The following GGA3 variants were observed in gnomAD, a reference collection of about 807,000 sequenced individuals.
GGA3 encodes the protein golgi associated, gamma adaptin ear containing, ARF binding protein 3.
Under a neutral mutation model 77.5 loss-of-function variants are expected in GGA3, and 57 were observed. The observed-to-expected ratio is 0.74, with a 90% CI of 0.59 to 0.92. The LOEUF is 0.92. Among genes scored for constraint, GGA3 ranks in the 40% least tolerant of loss-of-function variants. The pLI, the probability that GGA3 is intolerant of heterozygous loss-of-function variation, is 0.00. For missense variants in GGA3, 970 were observed against 914.9 expected, an observed-to-expected ratio of 1.06 and a Z score of -0.78; for synonymous variants, 416 against 383.7, an observed-to-expected ratio of 1.08 and a Z score of -0.98.
intron 1 of GGA3, among the ~76,000 whole-genome samples, chr17:75,249,985 A>G (rs1567797443): frequency 6.6e-6 from 1 of 152,038 alleles, no homozygotes; most frequent in Non-Finnish European, 1.5e-5. Flanking sequence ...CTCTTTGCCT[A>G]CTCACGGGCA....
intron 1 of GGA3, among the ~76,000 whole-genome samples, chr17:75,250,628 T>C (rs141588254): frequency 1.3e-5 from 2 of 151,918 alleles, no homozygotes; most frequent in Non-Finnish European, 2.9e-5. Context: ...CTAGGCACGG[T>C]AGCACACACC....
rs1363671930 is a variant in GGA3, at chr17:75,248,777, CTCTG to C, written c.41-1985_41-1982del. Reference sequence around the variant, plus strand: ...CTCCAGCCTGGGCAACAAGTGAAAACTCTGTCTAAAAAAAAAACAAAAACAAAAA... The same window carrying C: ...CTCCAGCCTGGGCAACAAGTGAAAACTCTAAAAAAAAAACAAAAACAAAAA... On this transcript the variant is annotated intron_variant, in intron 1 of 16. Coordinates refer to ENST00000537686, the MANE Select transcript of GGA3 (RefSeq NM_138619.4). 1.8e-4 allele frequency: 157 copies of C among 869,384 alleles called. 2 individuals carry two copies. The highest frequency in any genetic ancestry group is 2.0e-4 in the Admixed American group (3 of 15,042). The allele number at this position is 869,384 out of a possible 1,614,324, so 53.9% of individuals were successfully genotyped here.
At chr17:75,244,358 A>C (rs576804751) in intron 4 of GGA3, 2 of 415,800 alleles carry the variant, frequency 4.8e-6, no homozygotes, top group South Asian at 4.7e-5. Context: ...CCCACACTAC[A>C]TGGGCCCTCA....
Position 75,239,978 on chromosome 17 carries a change from A to G in GGA3, c.1394T>C (p.Phe465Ser). ...SSSQAPLPPP[F>S]PAPVVPASVP... ...ACTGGCTGGGACCACAGGAGCTGGG[A>G]AGGGAGGCGGCAGTGGAGCTTGGGA... Residue 465 changes from phenylalanine (F) to serine (S), a missense_variant, in exon 13 of 17, where the codon TTC (phenylalanine) becomes TCC (serine). Transcript: ENST00000537686. 3.2e-6 allele frequency: 5 copies of G among 1,560,884 alleles called. No homozygotes were observed. Among genetic ancestry groups the G allele is most frequent in the Non-Finnish European group, 4.3e-6 (5 of 1,153,232 alleles).
intron 10 of GGA3, 91 bp downstream of exon 10, chr17:75,241,309 C>A: frequency 1.1e-6 from 1 of 879,240 alleles, no homozygotes. Flanking sequence ...TGTGCAACAC[C>A]ACCACGCTGG....
At chr17:75,254,568 C>A (rs1598439488) in intron 1 of GGA3, among the ~76,000 whole-genome samples, 1 of 152,266 alleles carries the variant, frequency 6.6e-6, no homozygotes, top group Non-Finnish European at 1.5e-5. Context: ...GTCTTATTCT[C>A]AATATACGTT....
chr17:75,238,723 G>C lies in GGA3; in HGVS notation c.1990C>G (p.Leu664Val), dbSNP rs2145472808. 3 of 1,613,990 alleles carry C rather than the reference G, an allele frequency of 1.9e-6. No individual in the cohort carries two copies. Among genetic ancestry groups the C allele is most frequent in the East Asian group, 4.5e-5 (2 of 44,884 alleles). The change falls in exon 16 of 17, where the codon CTC becomes GTC. Residue 664 changes from leucine to valine, a missense_variant. Transcript: ENST00000537686. ...VKLQPPSGTE[L>V]SPFSPIQPPA... ...GGCTGGATGGGGCTAAATGGAGAGA[G>C]TTCTGTCCCAGAAGGTGGCTGCAAC...
chr17:75,256,093 C>T (rs1255041460), intron 1 of GGA3, among the ~76,000 whole-genome samples: 1 of 152,146 alleles, frequency 6.6e-6, no homozygotes, highest in Non-Finnish European at 1.5e-5. Context: ...AACAACAACT[C>T]CTTTCCTTCC....
Position 75,244,640 on chromosome 17 carries a change from T to G in GGA3, c.279A>C (p.Leu93Phe). 6.2e-7 allele frequency: 1 copy of G among 1,612,282 alleles called. No individual in the cohort carries two copies. The highest frequency in any genetic ancestry group is 8.5e-7 in the Non-Finnish European group (1 of 1,178,346). Reference protein sequence around the residue: ...EVGKFRFLNELIKVVSPKYLG... With the variant: ...EVGKFRFLNEFIKVVSPKYLG... Reference sequence around the variant, plus strand: ...TGACCTTTGGAGAGACGACTTTGATTAACTCATTCAAAAAGCGGAACTTCC... The same window carrying G: ...TGACCTTTGGAGAGACGACTTTGATGAACTCATTCAAAAAGCGGAACTTCC... The change falls in exon 4 of 17, where the codon TTA becomes TTC. Residue 93 changes from leucine (L) to phenylalanine (F), a missense_variant. Physicochemically the swap from Leu to Phe is conservative, Grantham distance 22 (BLOSUM62 0). Coordinates refer to ENST00000537686, the MANE Select transcript of GGA3 (RefSeq NM_138619.4).
chr17:75,257,195 T>TACAGCC (rs2077179269), intron 1 of GGA3, among the ~76,000 whole-genome samples: 1 of 151,870 alleles, frequency 6.6e-6, no homozygotes, highest in Non-Finnish European at 1.5e-5. Flanking sequence ...TGCTACAAGG[T>TACAGCC]ACAGCCCATT....
At chr17:75,241,160 G>A in intron 10 of GGA3, 103 bp from the exon 11 acceptor site, 1 of 1,351,320 alleles carries the variant, frequency 7.4e-7, no homozygotes, top group Non-Finnish European at 1.1e-6. Context: ...TACAGCCTCT[G>A]GCCTAATCCA....
intron 1 of GGA3, among the ~76,000 whole-genome samples, chr17:75,257,289 CA>C (rs1196352390): frequency 2.9e-4 from 4 of 13,764 alleles, no homozygotes; most frequent in Non-Finnish European, 3.4e-3. Context: ...CCCCCCCCCC[CA>C]AAAAAAACCT....
chr17:75,252,962 G>C (rs886514870), intron 1 of GGA3, among the ~76,000 whole-genome samples: 10 of 152,156 alleles, frequency 6.6e-5, no homozygotes, highest in Admixed American at 3.9e-4. Flanking sequence ...CTCTCTTTTC[G>C]GACTCAGCCC....
upstream of GGA3, chr17:75,261,751 C>G (rs2077393228): frequency 8.8e-7 from 1 of 1,135,808 alleles, no homozygotes; most frequent in African/African-American, 1.6e-5. Flanking sequence ...TTGGCGCTCC[C>G]CTTTGGACCC....
chr17:75,242,303 C>A (rs2076586120), intron 8 of GGA3, 33 bp downstream of exon 8: 2 of 1,613,328 alleles, frequency 1.2e-6, no homozygotes, highest in Non-Finnish European at 1.7e-6. Context: ...CAGCGCAGCC[C>A]CGGGAGGCAG....
rs936726255 is a variant in GGA3 at position 75,237,160 on chromosome 17, G to C, written c.*1119C>G. 2.3e-6 allele frequency: 1 copy of C among 436,172 alleles called. No homozygotes were observed. Among genetic ancestry groups the C allele is most frequent in the African/African-American group, 2.0e-5 (1 of 50,882 alleles). 27.0% of individuals were successfully genotyped at this position (436,172 alleles called of 1,614,324 possible). A position where few individuals can be genotyped will look rare whatever the true frequency, so the allele number is the denominator to read the frequency against. The stretch of plus-strand genomic sequence containing the variant: ...GAGTGGCTGGGACAAGCTGGCGGGG[G>C]CCAAGCACTGTTGAAGCAATAGGGT... On this transcript the variant is annotated 3_prime_UTR_variant, in exon 17 of 17. Transcript: ENST00000537686.
At chr17:75,261,850 C>G, upstream of GGA3, 1 of 1,572,454 alleles carries the variant, frequency 6.4e-7, no homozygotes, top group East Asian at 2.3e-5. Context: ...TCCCGTCACT[C>G]GCTCAGGCGC....
chr17:75,250,500 C>T (rs944206635), intron 1 of GGA3, among the ~76,000 whole-genome samples: 6 of 152,218 alleles, frequency 3.9e-5, no homozygotes, highest in African/African-American at 1.2e-4. Context: ...CGGTGGCTCA[C>T]GCCCGTAATC....
intron 1 of GGA3, among the ~76,000 whole-genome samples, chr17:75,259,878 G>A (rs867158352): frequency 1.3e-5 from 2 of 152,092 alleles, no homozygotes; most frequent in African/African-American, 4.8e-5. Context: ...GGCTGGGTGC[G>A]GTAGCTCACG....
Sources: allele counts gnomAD v4.1 joint callset (sites outside exome capture counted in the v4.1 genomes callset), GRCh38; gene constraint gnomAD v4.1.1; transcripts MANE v1.5; gene names NCBI Gene and HGNC (gene_info 2026-07-23, HGNC 2026-07-21).